The following UBAC2 variants were observed in gnomAD, a reference collection of about 807,000 sequenced individuals.
UBAC2 encodes ubiquitin-associated domain-containing protein 2.
A neutral mutation model predicts 44.0 loss-of-function variants in UBAC2; 26 were observed. The observed-to-expected ratio is 0.59, with a 90% CI of 0.43 to 0.82. UBAC2 has a LOEUF of 0.82. Among genes scored for constraint, UBAC2 ranks in the 40% least tolerant of loss-of-function variants. The pLI is 0.00. For missense variants in UBAC2, 329 were observed against 419.4 expected (o/e 0.78, Z 1.88); for synonymous variants, 155 against 154.3 (o/e 1.00, Z -0.04).
intron 6 of UBAC2, among the ~76,000 whole-genome samples, chr13:99,328,918 A>G (rs575991050): frequency 1.7e-4 from 26 of 152,286 alleles, no homozygotes; most frequent in African/African-American, 5.3e-4. Context: ...ATTTTCTCCT[A>G]TATGTTCTTC....
At chr13:99,244,485 C>CGAGA in intron 3 of UBAC2, 30 bp from the exon 4 acceptor site, 1 of 1,485,820 alleles carries the variant, frequency 6.7e-7, no homozygotes, top group Non-Finnish European at 9.4e-7. Context: ...AGACTCATCT[C>CGAGA]TATCATTTTT....
At chr13:99,276,480 G>A (rs1378307761) in intron 4 of UBAC2, among the ~76,000 whole-genome samples, 1 of 152,256 alleles carries the variant, frequency 6.6e-6, no homozygotes. Flanking sequence ...CGCAGGAACA[G>A]CCAAATGGAA....
chr13:99,323,328 C>G (rs2044594401), intron 6 of UBAC2, among the ~76,000 whole-genome samples: 1 of 152,244 alleles, frequency 6.6e-6, no homozygotes, highest in African/African-American at 2.4e-5. Flanking sequence ...TAACCAGATA[C>G]AGTGGCTCAT....
chr13:99,383,893 C>T (rs568257178), intron 8 of UBAC2, among the ~76,000 whole-genome samples: 1 of 152,272 alleles, frequency 6.6e-6, no homozygotes, highest in African/African-American at 2.4e-5. Flanking sequence ...TTCCCTCCCC[C>T]ACCTGCCTCT....
intron 2 of UBAC2, 117 bp downstream of exon 2, chr13:99,238,671 TTTA>T (rs1417576425): frequency 1.1e-6 from 1 of 937,906 alleles, no homozygotes; most frequent in African/African-American, 1.7e-5. Flanking sequence ...GTAAGAAATA[TTTA>T]TTATTAATAT....
chr13:99,374,553 AG>A (rs1188180065), intron 8 of UBAC2, among the ~76,000 whole-genome samples: 1 of 152,242 alleles, frequency 6.6e-6, no homozygotes, highest in Non-Finnish European at 1.5e-5. Flanking sequence ...GCTGATAAAT[AG>A]CAAAATGTAT....
intron 7 of UBAC2, among the ~76,000 whole-genome samples, chr13:99,353,140 T>A (rs965961073): frequency 1.3e-5 from 2 of 152,250 alleles, no homozygotes; most frequent in Non-Finnish European, 2.9e-5. Context: ...AGTTCTTTTA[T>A]GACTTTCTTC....
chr13:99,320,449 C>G (rs2044553097), intron 6 of UBAC2, among the ~76,000 whole-genome samples: 2 of 152,020 alleles, frequency 1.3e-5, no homozygotes, highest in Non-Finnish European at 2.9e-5. Context: ...TTAAAGAACC[C>G]TACTAATAAT....
intron 4 of UBAC2, among the ~76,000 whole-genome samples, chr13:99,247,168 T>C (rs893983872): frequency 1.3e-5 from 2 of 151,452 alleles, no homozygotes; most frequent in Non-Finnish European, 2.9e-5. Context: ...GTAGCAAAGC[T>C]TCAAAAACTA....
chr13:99,317,066 T>A (rs1283415081), intron 5 of UBAC2, among the ~76,000 whole-genome samples: 2 of 152,246 alleles, frequency 1.3e-5, no homozygotes, highest in African/African-American at 2.4e-5. Context: ...TGTGCTCATT[T>A]CTAACTGAGC....
At chr13:99,239,278 C>A (rs781096275) in intron 2 of UBAC2, among the ~76,000 whole-genome samples, 2 of 152,056 alleles carry the variant, frequency 1.3e-5, no homozygotes, top group Non-Finnish European at 2.9e-5. Flanking sequence ...GTTATTTATC[C>A]GTATTACTGA....
At chr13:99,217,923 A>C (rs906015113) in intron 1 of UBAC2, among the ~76,000 whole-genome samples, 1 of 152,072 alleles carries the variant, frequency 6.6e-6, no homozygotes. Context: ...CTCTGTAGGC[A>C]CTTGAATTTA....
At chr13:99,306,906 C>G (rs917482135) in intron 4 of UBAC2, among the ~76,000 whole-genome samples, 1 of 152,052 alleles carries the variant, frequency 6.6e-6, no homozygotes, top group African/African-American at 2.4e-5. Flanking sequence ...GAATTCTACC[C>G]CTGAGATTCT....
chr13:99,215,782 C>T, intron 1 of UBAC2: 1 of 978,298 alleles, frequency 1.0e-6, no homozygotes, highest in Non-Finnish European at 1.5e-6. Flanking sequence ...GAAGCTCAAG[C>T]AAGGCAGAGA....
intron 8 of UBAC2, among the ~76,000 whole-genome samples, chr13:99,368,713 G>A (rs191453623): frequency 1.3e-5 from 2 of 152,022 alleles, no homozygotes; most frequent in African/African-American, 4.8e-5. Context: ...GTGTGTGTGT[G>A]TGTGTGTGTG....
At chr13:99,244,412 CAT>C (rs1170145468) in intron 3 of UBAC2, 101 bp from the exon 4 acceptor site, 9 of 741,030 alleles carry the variant, frequency 1.2e-5, no homozygotes, top group Admixed American at 2.2e-5. Context: ...CACACACACA[CAT>C]ACATATGAAT....
chr13:99,215,027 T>C (rs977867092), intron 1 of UBAC2, among the ~76,000 whole-genome samples: 6 of 152,076 alleles, frequency 3.9e-5, no homozygotes, highest in African/African-American at 1.4e-4. Context: ...TTATTGAGCT[T>C]ATCCACCACA....
intron 4 of UBAC2, among the ~76,000 whole-genome samples, chr13:99,293,829 T>C (rs571980784): frequency 1.3e-5 from 2 of 152,282 alleles, no homozygotes; most frequent in East Asian, 3.9e-4. Flanking sequence ...TAAAGTCCAA[T>C]AAAAATTTAA....
intron 6 of UBAC2, among the ~76,000 whole-genome samples, chr13:99,329,785 C>A (rs899971105): frequency 2.0e-5 from 3 of 152,202 alleles, no homozygotes; most frequent in Admixed American, 6.5e-5. Flanking sequence ...TAGGCTGACA[C>A]CTTGACTGAC....
Sources: allele counts gnomAD v4.1 joint callset (sites outside exome capture counted in the v4.1 genomes callset), GRCh38; gene constraint gnomAD v4.1.1; transcripts MANE v1.5; gene names NCBI Gene and HGNC (gene_info 2026-07-23, HGNC 2026-07-21).